The following VWA3B variants were observed in gnomAD, a reference collection of about 807,000 sequenced individuals.
VWA3B encodes the protein von Willebrand factor A domain-containing protein 3B.
VWA3B carries 138 observed loss-of-function variants against 158.3 expected under a neutral mutation model. The observed-to-expected ratio is 0.87, with a 90% CI of 0.76 to 1.00. VWA3B has a LOEUF of 1.00. Among genes scored for constraint, VWA3B ranks in the 50% least tolerant of loss-of-function variants. The pLI is 0.00. For missense variants in VWA3B, 1,555 were observed against 1,565.1 expected, an observed-to-expected ratio of 0.99 and a Z score of 0.11; for synonymous variants, 596 against 587.3, an observed-to-expected ratio of 1.01 and a Z score of -0.21.
intron 8 of VWA3B, among the ~76,000 whole-genome samples, chr2:98,168,329 G>A (rs1019048822): frequency 4.6e-5 from 7 of 150,698 alleles, no homozygotes; most frequent in African/African-American, 1.7e-4. Context: ...CTCAGATATT[G>A]GACAATTATG....
the VWA3B span, among the ~76,000 whole-genome samples, chr2:98,327,591 G>A: frequency 6.6e-6 from 1 of 152,154 alleles, no homozygotes; most frequent in African/African-American, 2.4e-5. Flanking sequence ...GGAGAAAAAT[G>A]TATTTGACAT....
Position 98,125,347 on chromosome 2 carries a change from A to C in VWA3B, c.703-2892A>C, listed in dbSNP as rs972280807. On this transcript the variant is annotated intron_variant, in intron 5 of 27. Transcript: ENST00000477737. This position sits in a 1 kb window ranked among gnomAD's most constrained non-coding sequence, Gnocchi z 4.1. ...AATTCTGGGGCTCACATTCATCTCTAACAGGTGACCAGCCTTGCCACAAAT... is the reference window on the plus strand; with the variant it reads ...AATTCTGGGGCTCACATTCATCTCTCACAGGTGACCAGCCTTGCCACAAAT... Among the ~76,000 whole-genome samples the C allele has an allele frequency of 1.3e-5, 2 of 152,196 alleles. No homozygotes were observed. Among genetic ancestry groups the C allele is most frequent in the African/African-American group, 4.8e-5 (2 of 41,452 alleles).
At chr2:98,211,200 G>C (rs1234610480) in intron 12 of VWA3B, among the ~76,000 whole-genome samples, 1 of 152,172 alleles carries the variant, frequency 6.6e-6, no homozygotes, top group Non-Finnish European at 1.5e-5. Context: ...AACCACAGTT[G>C]GTTTTCTTGC....
intron 13 of VWA3B, chr2:98,216,946 T>G: frequency 3.9e-6 from 5 of 1,298,216 alleles, no homozygotes; most frequent in Non-Finnish European, 5.1e-6. Context: ...GAAGACAGCA[T>G]GAGTGGGAGA....
intron 9 of VWA3B, among the ~76,000 whole-genome samples, chr2:98,181,472 G>A (rs191556606): frequency 4.0e-4 from 61 of 152,312 alleles, no homozygotes; most frequent in African/African-American, 1.4e-3. Context: ...GAGAAATCAG[G>A]CATTATGAGT....
At chr2:98,139,127 A>G (rs1180476950) in intron 7 of VWA3B, among the ~76,000 whole-genome samples, 2 of 152,182 alleles carry the variant, frequency 1.3e-5, no homozygotes, top group Non-Finnish European at 2.9e-5. Context: ...GCCCCAGGCA[A>G]TGAGGGGCTT....
At position 98,312,538 on chromosome 2, in the gene VWA3B, T is replaced by TCACAGAGCAG; in HGVS notation, c.*189_*190insCACAGAGCAG. The TCACAGAGCAG allele has an allele frequency of 1.5e-6, 1 of 657,102 alleles. No homozygotes were observed. The allele number at this position is 657,102 out of a possible 1,614,324, so 40.7% of individuals were successfully genotyped here. ...TGCCTCCCCTACCCGTTTGACGACT[T>TCACAGAGCAG]GGTTCTGGCTTTTTCTGACTGTTCT... On this transcript the variant is annotated 3_prime_UTR_variant, in exon 28 of 28. Coordinates refer to ENST00000477737, the MANE Select transcript of VWA3B (RefSeq NM_144992.5).
chr2:98,283,122 T>C (rs1433350951), intron 22 of VWA3B, among the ~76,000 whole-genome samples: 3 of 152,240 alleles, frequency 2.0e-5, no homozygotes, highest in Non-Finnish European at 4.4e-5. Context: ...GAATCAATAT[T>C]TGGAATCTAG....
At chr2:98,286,199 C>G (rs1437581486) in intron 22 of VWA3B, among the ~76,000 whole-genome samples, 1 of 152,094 alleles carries the variant, frequency 6.6e-6, no homozygotes, top group Non-Finnish European at 1.5e-5. Context: ...TTTTCACATA[C>G]AGAATCATGT....
chr2:98,139,587 C>G (rs931553143), intron 7 of VWA3B, among the ~76,000 whole-genome samples: 4 of 152,036 alleles, frequency 2.6e-5, no homozygotes, highest in African/African-American at 9.7e-5. Context: ...GTGTCTAGCT[C>G]AGGGTTTGTG....
chr2:98,196,718 G>A (rs1386517935), intron 12 of VWA3B, among the ~76,000 whole-genome samples: 1 of 152,148 alleles, frequency 6.6e-6, no homozygotes, highest in Non-Finnish European at 1.5e-5. Context: ...TTCAGCAGTA[G>A]GCTTTTCAAC....
At chr2:98,274,034 G>A (rs891402851) in intron 22 of VWA3B, among the ~76,000 whole-genome samples, 2 of 152,076 alleles carry the variant, frequency 1.3e-5, no homozygotes, top group Non-Finnish European at 2.9e-5. Flanking sequence ...AATAATTCCC[G>A]TAATTTCTTC....
At chr2:98,178,829 A>G (rs1198848764) in intron 8 of VWA3B, among the ~76,000 whole-genome samples, 1 of 152,170 alleles carries the variant, frequency 6.6e-6, no homozygotes, top group African/African-American at 2.4e-5. Flanking sequence ...AAAGGTTGAG[A>G]GCCATTAATG....
At chr2:98,177,887 C>G (rs1024403106) in intron 8 of VWA3B, among the ~76,000 whole-genome samples, 5 of 151,590 alleles carry the variant, frequency 3.3e-5, no homozygotes, top group Non-Finnish European at 5.9e-5. Flanking sequence ...GAAGGCAGCC[C>G]AAAACAGAGC....
At chr2:98,219,771 G>A (rs1324232854) in intron 14 of VWA3B, among the ~76,000 whole-genome samples, 1 of 152,206 alleles carries the variant, frequency 6.6e-6, no homozygotes, top group Non-Finnish European at 1.5e-5. Flanking sequence ...TGAGGAGACA[G>A]TGGAGAAACA....
chr2:98,200,267 G>C (rs1384731876), intron 12 of VWA3B, among the ~76,000 whole-genome samples: 1 of 152,098 alleles, frequency 6.6e-6, no homozygotes, highest in Non-Finnish European at 1.5e-5. Context: ...GTCAGGCCAG[G>C]CACGGTGGCT....
At chr2:98,239,568 G>T (rs987872758) in intron 19 of VWA3B, among the ~76,000 whole-genome samples, 1 of 149,474 alleles carries the variant, frequency 6.7e-6, no homozygotes, top group African/African-American at 2.5e-5. Context: ...AATTTTTATT[G>T]TAGTACTTTT....
intron 4 of VWA3B, 52 bp downstream of exon 4, chr2:98,119,815 A>T: frequency 6.3e-7 from 1 of 1,598,250 alleles, no homozygotes; most frequent in Non-Finnish European, 8.5e-7. Flanking sequence ...AGTAATTTGT[A>T]CATATTTGGA....
chr2:98,150,062 G>A (rs890156158), intron 7 of VWA3B, among the ~76,000 whole-genome samples: 19 of 152,176 alleles, frequency 1.2e-4, no homozygotes, highest in African/African-American at 4.6e-4. Flanking sequence ...CAACTTTTAG[G>A]CCTCATATTT....
Sources: gnomAD v4.1 joint callset for allele counts (sites outside exome capture counted in the v4.1 genomes callset) on GRCh38, gnomAD v4.1.1 for gene constraint, Gnocchi (gnomAD v3.1) non-coding constraint, MANE v1.5 for transcripts, NCBI Gene and HGNC (gene_info 2026-07-23, HGNC 2026-07-21) for gene names.